Variants in MAD1L1 observed in about 807,000 individuals in gnomAD.
The protein encoded by MAD1L1 is mitotic arrest deficient 1 like 1, also known as mitotic spindle assembly checkpoint protein MAD1.
Under a neutral mutation model 96.9 loss-of-function variants are expected in MAD1L1, and 95 were observed. That is an observed-to-expected ratio of 0.98 (90% CI 0.83 to 1.16). MAD1L1 has a LOEUF of 1.16. Among genes scored for constraint, MAD1L1 ranks in the 50% most tolerant of loss-of-function variants. MAD1L1 has a pLI of 0.00. For missense variants in MAD1L1, 1,007 were observed against 954.4 expected, an observed-to-expected ratio of 1.06 and a Z score of -0.73; for synonymous variants, 473 against 396.6, an observed-to-expected ratio of 1.19 and a Z score of -2.29.
intron 18 of MAD1L1, among the ~76,000 whole-genome samples, chr7:1,823,183 C>T (rs1305981587): frequency 6.6e-6 from 1 of 152,108 alleles, no homozygotes; most frequent in African/African-American, 2.4e-5. Flanking sequence ...TTTGCTACAG[C>T]TGGAGCCGGA....
At chr7:1,873,780 A>C (rs1785234111) in intron 18 of MAD1L1, among the ~76,000 whole-genome samples, 1 of 152,038 alleles carries the variant, frequency 6.6e-6, no homozygotes, top group Admixed American at 6.5e-5. Context: ...CTGGCCCTGA[A>C]GCCCAGTGGG....
intron 12 of MAD1L1, among the ~76,000 whole-genome samples, chr7:2,033,563 G>A (rs763075296): frequency 2.6e-5 from 4 of 152,174 alleles, no homozygotes; most frequent in Non-Finnish European, 5.9e-5. Flanking sequence ...TCACTAACAC[G>A]GTAATAGAAA....
At chr7:1,941,842 C>T (rs1384040681) in intron 16 of MAD1L1, among the ~76,000 whole-genome samples, 1 of 151,042 alleles carries the variant, frequency 6.6e-6, no homozygotes, top group Non-Finnish European at 1.5e-5. Flanking sequence ...GAGAACCCAC[C>T]TCCCAGGAGG....
At chr7:2,183,297 C>T (rs1368881230) in intron 10 of MAD1L1, among the ~76,000 whole-genome samples, 2 of 151,628 alleles carry the variant, frequency 1.3e-5, no homozygotes, top group Non-Finnish European at 2.9e-5. Flanking sequence ...AAATGACAAG[C>T]CACAGACAGG....
At chr7:1,964,482 C>G (rs541427681) in intron 15 of MAD1L1, among the ~76,000 whole-genome samples, 1 of 152,218 alleles carries the variant, frequency 6.6e-6, no homozygotes, top group Admixed American at 6.5e-5. Flanking sequence ...TTCAGACAAA[C>G]TGCTACCGCA....
At chr7:2,143,449 C>T (rs142505182) in intron 11 of MAD1L1, among the ~76,000 whole-genome samples, 1 of 151,688 alleles carries the variant, frequency 6.6e-6, no homozygotes, top group Non-Finnish European at 1.5e-5. Context: ...GCAGGAAAGA[C>T]TCATAACTAG....
chr7:2,177,624 T>C (rs554435813), intron 10 of MAD1L1, among the ~76,000 whole-genome samples: 2 of 152,358 alleles, frequency 1.3e-5, no homozygotes, highest in African/African-American at 2.4e-5. Context: ...TCCTCATTAG[T>C]TGCATTACTA....
chr7:1,817,132 C>T (rs1311248067), intron 18 of MAD1L1: 3 of 152,236 alleles, frequency 2.0e-5, no homozygotes, highest in Non-Finnish European at 4.4e-5. Context: ...AAACGTGAAC[C>T]GCAACTGAGC....
At chr7:2,199,230 G>C (rs1266936684) in intron 10 of MAD1L1, among the ~76,000 whole-genome samples, 9 of 152,282 alleles carry the variant, frequency 5.9e-5, no homozygotes, top group Admixed American at 5.9e-4. Context: ...GCAACTTCCA[G>C]ATACATTTTC....
At chr7:1,909,365 G>A (rs954147043) in intron 17 of MAD1L1, among the ~76,000 whole-genome samples, 1 of 152,230 alleles carries the variant, frequency 6.6e-6, no homozygotes, top group Non-Finnish European at 1.5e-5. Flanking sequence ...AATTATTCAT[G>A]TTTTGCAAGC....
chr7:1,949,431 T>C (rs1323772158), intron 16 of MAD1L1, among the ~76,000 whole-genome samples: 2 of 152,192 alleles, frequency 1.3e-5, no homozygotes, highest in Non-Finnish European at 2.9e-5. Context: ...CATCCCTGTC[T>C]GAGGACTCAA....
chr7:1,975,843 G>A (rs966696201), intron 15 of MAD1L1, among the ~76,000 whole-genome samples: 5 of 152,148 alleles, frequency 3.3e-5, no homozygotes, highest in Admixed American at 6.5e-5. Context: ...TCACACGGCC[G>A]GGAAGCGAGG....
chr7:1,862,184 C>G (rs1189095005), intron 18 of MAD1L1, among the ~76,000 whole-genome samples: 2 of 152,220 alleles, frequency 1.3e-5, no homozygotes, highest in Non-Finnish European at 2.9e-5. Context: ...GTGCTCTGGA[C>G]TTCGGGAGCC....
intron 14 of MAD1L1, among the ~76,000 whole-genome samples, chr7:1,986,657 T>C (rs990564208): frequency 6.6e-6 from 1 of 152,176 alleles, no homozygotes; most frequent in Non-Finnish European, 1.5e-5. Context: ...CACCACGGGC[T>C]TCCTGCCTCT....
intron 12 of MAD1L1, among the ~76,000 whole-genome samples, chr7:2,066,981 C>T: frequency 6.6e-6 from 1 of 152,236 alleles, no homozygotes; most frequent in Non-Finnish European, 1.5e-5. Flanking sequence ...GCGGGGCTGC[C>T]CTCCTGTGGG....
intron 14 of MAD1L1, among the ~76,000 whole-genome samples, chr7:1,999,367 A>AT (rs947631252): frequency 3.3e-5 from 5 of 152,140 alleles, no homozygotes; most frequent in African/African-American, 1.2e-4. Flanking sequence ...CAACAGCCTG[A>AT]TTTTCCCTCC....
In MAD1L1 at chr7:2,014,595, C is replaced by T. The variant is rs41273048; in HGVS notation, c.1266G>A (p.Leu422=). 2.2e-3 allele frequency: 3,591 copies of T among 1,612,520 alleles called. 7 individuals are homozygous for T. The highest frequency in any genetic ancestry group is 2.7e-3 in the Non-Finnish European group (3,236 of 1,179,764). ...GCTGGGGTGAGTACTCGGCCGGGGT[C>T]AGCTCGCTGTCGTAGGACCCCAGGA... ...RAILGSYDSE[L]TPAEYSPQLT... is the part of the protein sequence containing the mutation. The change falls in exon 13 of 19, where the codon CTG becomes CTA. Residue 422 remains leucine, a synonymous_variant. Coordinates refer to ENST00000265854, the MANE Select transcript of MAD1L1 (RefSeq NM_001013836.2).
At chr7:2,132,924 T>C (rs187104320) in intron 11 of MAD1L1, among the ~76,000 whole-genome samples, 103 of 152,368 alleles carry the variant, frequency 6.8e-4, no homozygotes, top group African/African-American at 2.3e-3. Context: ...CGGCTCATGC[T>C]GAAGAGCAGT....
chr7:2,008,770 CA>C (rs1318826073), intron 13 of MAD1L1, among the ~76,000 whole-genome samples: 2 of 117,228 alleles, frequency 1.7e-5, no homozygotes, highest in African/African-American at 2.8e-5. Context: ...GCAGGAAGCT[CA>C]GGGGGGGAAG....
Sources: gnomAD v4.1 joint callset for allele counts (sites outside exome capture counted in the v4.1 genomes callset) on GRCh38, gnomAD v4.1.1 for gene constraint, MANE v1.5 for transcripts, NCBI Gene and HGNC (gene_info 2026-07-23, HGNC 2026-07-21) for gene names.